LDLRAD3: variants seen among roughly 807,000 people sequenced by gnomAD.
LDLRAD3 encodes the protein low-density lipoprotein receptor class A domain-containing protein 3.
Under a neutral mutation model 29.4 loss-of-function variants are expected in LDLRAD3, and 20 were observed. That is an observed-to-expected ratio of 0.68 (90% CI 0.48 to 0.99). LDLRAD3 has a LOEUF of 0.99. Among genes scored for constraint, LDLRAD3 ranks in the 50% least tolerant of loss-of-function variants. The probability of loss-of-function intolerance (pLI) is 0.00; values close to 1 mark genes in which losing one functional copy is unlikely to be tolerated. For synonymous variants in LDLRAD3, 157 were observed against 192.7 expected (o/e 0.81, Z 1.53); for missense variants, 420 against 454.3 (o/e 0.92, Z 0.69).
intron 1 of LDLRAD3, among the ~76,000 whole-genome samples, chr11:35,988,274 G>A (rs1851639500): frequency 6.6e-6 from 1 of 152,070 alleles, no homozygotes; most frequent in Non-Finnish European, 1.5e-5. Flanking sequence ...TGCCCAGGCT[G>A]GTCTTGAACT....
rs138538323 is a variant in LDLRAD3, at chr11:36,076,222, G to A, written c.194-5431G>A. Among the ~76,000 whole-genome samples, 695 of 145,508 alleles carry A rather than the reference G, an allele frequency of 4.8e-3. 5 individuals are homozygous for A. Among genetic ancestry groups the A allele is most frequent in the African/African-American group, 0.016 (654 of 40,200 alleles). ...TTTATTTTTGTCTGTCTGTCCATCC[G>A]TCCATCCATCCATCCATCCATCCAT... On this transcript the variant is annotated intron_variant, in intron 2 of 5. Coordinates refer to ENST00000315571, the MANE Select transcript of LDLRAD3 (RefSeq NM_174902.4).
intron 2 of LDLRAD3, among the ~76,000 whole-genome samples, chr11:36,077,682 G>A (rs1474847801): frequency 2.0e-5 from 3 of 152,354 alleles, no homozygotes; most frequent in East Asian, 1.9e-4. Context: ...GGGGAATGCA[G>A]TGTGGTGCCC....
chr11:36,082,345 C>T (rs191362342), intron 3 of LDLRAD3, among the ~76,000 whole-genome samples: 2 of 152,124 alleles, frequency 1.3e-5, no homozygotes, highest in East Asian at 1.9e-4. Flanking sequence ...CCCATCTCTA[C>T]AAAAAGTACA....
In LDLRAD3 at chr11:36,229,404, G is replaced by A. The variant is rs1169200201; in HGVS notation, c.*7G>A. 2 of 1,590,758 alleles carry A rather than the reference G, an allele frequency of 1.3e-6. No homozygotes were observed. Among genetic ancestry groups the A allele is most frequent in the Non-Finnish European group, 1.7e-6 (2 of 1,160,306 alleles). ...GGGCACTGAAGAAGTATAAGTCCCA[G>A]TTATTCCAAAGTCCATATGGGTTAA... On this transcript the variant is annotated 3_prime_UTR_variant, in exon 6 of 6. Transcript: ENST00000315571.
At chr11:36,053,656 C>G (rs1329504295) in intron 2 of LDLRAD3, among the ~76,000 whole-genome samples, 1 of 152,204 alleles carries the variant, frequency 6.6e-6, no homozygotes, top group Non-Finnish European at 1.5e-5. Context: ...TGGTGCACAT[C>G]TGCTTGGAAT....
intron 4 of LDLRAD3, among the ~76,000 whole-genome samples, chr11:36,149,837 A>G (rs2133326313): frequency 6.6e-6 from 1 of 152,240 alleles, no homozygotes; most frequent in Middle Eastern, 3.4e-3. Flanking sequence ...TCTGTTCCTC[A>G]TGACTCATGA....
intron 2 of LDLRAD3, among the ~76,000 whole-genome samples, chr11:36,057,023 A>G (rs142390469): frequency 4.6e-4 from 70 of 152,298 alleles, no homozygotes; most frequent in Middle Eastern, 6.8e-3. Flanking sequence ...TCTGAGGTCT[A>G]CACTTTGAGC....
At chr11:36,062,078 C>A (rs964625217) in intron 2 of LDLRAD3, among the ~76,000 whole-genome samples, 1 of 152,120 alleles carries the variant, frequency 6.6e-6, no homozygotes, top group African/African-American at 2.4e-5. Context: ...TCAGTTTCAT[C>A]TCCCATTTTA....
chr11:36,042,431 C>T (rs1436923316), intron 2 of LDLRAD3, among the ~76,000 whole-genome samples: 1 of 152,134 alleles, frequency 6.6e-6, no homozygotes, highest in African/African-American at 2.4e-5. Context: ...TCTGTCATTT[C>T]TCAAAGAAGG....
At chr11:36,123,515 A>G (rs886966089) in intron 4 of LDLRAD3, among the ~76,000 whole-genome samples, 21 of 152,242 alleles carry the variant, frequency 1.4e-4, no homozygotes, top group Admixed American at 3.3e-4. Flanking sequence ...CATTTGTCCC[A>G]TTGACCCCAA....
rs530663312 is a variant in LDLRAD3 at position 36,125,465 on chromosome 11, A to G, written c.454+27004A>G. Among the ~76,000 whole-genome samples the G allele has an allele frequency of 2.0e-5, 3 of 152,374 alleles. No homozygotes were observed. In the East Asian group the frequency reaches 5.8e-4, roughly 29 times the overall value. On this transcript the variant is annotated intron_variant, in intron 4 of 5. Coordinates refer to ENST00000315571, the MANE Select transcript of LDLRAD3 (RefSeq NM_174902.4). ...GTGCCTAATACGCAGCAAGCAGTAC[A>G]TGTTTCACTGCTGTTAGTCATCATG...
chr11:36,175,435 T>C (rs1479502580), intron 4 of LDLRAD3, among the ~76,000 whole-genome samples: 2 of 152,206 alleles, frequency 1.3e-5, no homozygotes, highest in African/African-American at 4.8e-5. Context: ...GACTTTTCAA[T>C]GTAGGTATTT....
intron 4 of LDLRAD3, among the ~76,000 whole-genome samples, chr11:36,192,682 A>G (rs1448304359): frequency 1.3e-5 from 2 of 152,214 alleles, no homozygotes; most frequent in Non-Finnish European, 2.9e-5. Context: ...GATTAGGTCC[A>G]GGGCATGAAT....
In LDLRAD3 at chr11:36,012,737, T is replaced by A. The variant is rs1431848567; in HGVS notation, c.47-23366T>A. ...CAATTCAGAACTTATGAATGGTTTA[T>A]TTTTGGAATTTTCCATTAATATTTT... On this transcript the variant is annotated intron_variant, in intron 1 of 5. Transcript: ENST00000315571. Among the ~76,000 whole-genome samples the A allele has an allele frequency of 2.6e-5, 4 of 152,198 alleles. No homozygotes were observed. The East Asian group carries it at 7.7e-4, about 29-fold the overall frequency.
chr11:35,950,973 C>T (rs1851126509), intron 1 of LDLRAD3, among the ~76,000 whole-genome samples: 1 of 152,002 alleles, frequency 6.6e-6, no homozygotes, highest in African/African-American at 2.4e-5. Context: ...ATCCCAGCTA[C>T]TTGGGAGGCT....
At chr11:35,988,597 T>G (rs1455260167) in intron 1 of LDLRAD3, among the ~76,000 whole-genome samples, 1 of 151,494 alleles carries the variant, frequency 6.6e-6, no homozygotes, top group Admixed American at 6.6e-5. Flanking sequence ...TTTTTTTTTG[T>G]TTTTGAGTTG....
chr11:36,190,290 A>G (rs914445748), intron 4 of LDLRAD3, among the ~76,000 whole-genome samples: 2 of 152,242 alleles, frequency 1.3e-5, no homozygotes, highest in Non-Finnish European at 2.9e-5. Context: ...AGGTCAGGAA[A>G]TCAAGACTAG....
At chr11:36,061,330 G>A (rs184517475) in intron 2 of LDLRAD3, among the ~76,000 whole-genome samples, 6 of 152,162 alleles carry the variant, frequency 3.9e-5, no homozygotes, top group Admixed American at 1.3e-4. Flanking sequence ...TAGTAGAGAC[G>A]GGGTTTCACC....
chr11:35,957,795 C>CAAAAA (rs1177748172), intron 1 of LDLRAD3, among the ~76,000 whole-genome samples: 67 of 78,134 alleles, frequency 8.6e-4, no homozygotes, highest in Non-Finnish European at 1.4e-3. Flanking sequence ...GACCTTATCT[C>CAAAAA]AAAAAAAAAA....
Sources: gnomAD v4.1 joint callset for allele counts (sites outside exome capture counted in the v4.1 genomes callset) on GRCh38, gnomAD v4.1.1 for gene constraint, MANE v1.5 for transcripts, NCBI Gene and HGNC (gene_info 2026-07-23, HGNC 2026-07-21) for gene names.